DSCAM: variants seen among roughly 807,000 people sequenced by gnomAD.
DSCAM encodes the protein DS cell adhesion molecule.
In DSCAM, 47 loss-of-function variants were observed where a neutral mutation model predicts 217.7. The ratio of observed to expected loss-of-function variants is 0.22; its 90% CI spans 0.17 to 0.28. The LOEUF (loss-of-function observed/expected upper bound fraction) is 0.28. Among genes scored for constraint, DSCAM ranks in the 10% least tolerant of loss-of-function variants. The probability of loss-of-function intolerance (pLI) is 1.00; values close to 1 mark genes in which losing one functional copy is unlikely to be tolerated. For missense variants in DSCAM, 2,080 were observed against 2,618.3 expected, an observed-to-expected ratio of 0.79 and a Z score of 4.49; for synonymous variants, 1,056 against 1,015.3, an observed-to-expected ratio of 1.04 and a Z score of -0.76.
At chr21:40,294,631 A>G (rs987705912) in intron 10 of DSCAM, among the ~76,000 whole-genome samples, 49 of 152,216 alleles carry the variant, frequency 3.2e-4, no homozygotes, top group African/African-American at 1.1e-3. Flanking sequence ...CCTCAGGGAG[A>G]GAGAGAACAC....
At chr21:40,041,992 A>T (rs1260588480) in intron 32 of DSCAM, among the ~76,000 whole-genome samples, 2 of 152,106 alleles carry the variant, frequency 1.3e-5, no homozygotes, top group African/African-American at 4.8e-5. Context: ...GGCTATTTCC[A>T]CAGACTGTAT....
At chr21:40,469,021 C>A (rs948310196) in intron 3 of DSCAM, among the ~76,000 whole-genome samples, 5 of 152,030 alleles carry the variant, frequency 3.3e-5, no homozygotes, top group Non-Finnish European at 7.4e-5. Context: ...ACACTACAGC[C>A]ACACACACCT....
At chr21:40,755,441 G>A (rs1432388170) in intron 1 of DSCAM, among the ~76,000 whole-genome samples, 1 of 141,530 alleles carries the variant, frequency 7.1e-6, no homozygotes, top group African/African-American at 2.7e-5. Flanking sequence ...AAAAGGCTCT[G>A]TCCCCACCTG....
At chr21:40,188,962 C>T (rs2090925537) in intron 12 of DSCAM, 80 bp downstream of exon 12, 1 of 1,413,546 alleles carries the variant, frequency 7.1e-7, no homozygotes, top group Non-Finnish European at 9.9e-7. Flanking sequence ...TGCTACTTAT[C>T]TGCACCCGCT....
At chr21:40,243,144 G>A (rs1188673857) in intron 11 of DSCAM, among the ~76,000 whole-genome samples, 1 of 152,172 alleles carries the variant, frequency 6.6e-6, no homozygotes, top group Admixed American at 6.5e-5. Flanking sequence ...ATGTTCTCAT[G>A]TATTTAGACT....
At chr21:40,312,607 T>G (rs1457882456) in intron 8 of DSCAM, among the ~76,000 whole-genome samples, 2 of 152,240 alleles carry the variant, frequency 1.3e-5, no homozygotes, top group African/African-American at 4.8e-5. Context: ...TTAAAAATTA[T>G]TTTTGAATGA....
chr21:40,563,757 T>C (rs2076743242), intron 3 of DSCAM, among the ~76,000 whole-genome samples: 1 of 133,906 alleles, frequency 7.5e-6, no homozygotes, highest in Non-Finnish European at 1.6e-5. Context: ...TATATGTTTA[T>C]ATATGTTTGT....
At chr21:40,325,519 C>T (rs1009952308) in intron 8 of DSCAM, among the ~76,000 whole-genome samples, 1 of 152,140 alleles carries the variant, frequency 6.6e-6, no homozygotes, top group Non-Finnish European at 1.5e-5. Flanking sequence ...AGAGAAAAGA[C>T]AGCCTTGGAA....
chr21:40,322,241 G>A (rs2074267639), intron 8 of DSCAM, among the ~76,000 whole-genome samples: 1 of 152,024 alleles, frequency 6.6e-6, no homozygotes, highest in East Asian at 1.9e-4. Flanking sequence ...GCCATCATTT[G>A]TCTGTGGGTT....
At chr21:40,324,416 G>A (rs1206790494) in intron 8 of DSCAM, among the ~76,000 whole-genome samples, 2 of 152,030 alleles carry the variant, frequency 1.3e-5, no homozygotes, top group African/African-American at 4.8e-5. Context: ...TCCTTCCAAT[G>A]CACTTCCAAA....
chr21:40,658,732 AAAAT>A (rs1265142646), intron 3 of DSCAM, among the ~76,000 whole-genome samples: 3 of 152,194 alleles, frequency 2.0e-5, no homozygotes, highest in Admixed American at 6.5e-5. Flanking sequence ...GGTAGGAAGA[AAAAT>A]AAAAACAGAT....
At chr21:40,710,641 T>C (rs190330656) in intron 1 of DSCAM, among the ~76,000 whole-genome samples, 138 of 152,354 alleles carry the variant, frequency 9.1e-4, no homozygotes, top group Non-Finnish European at 1.8e-3. Flanking sequence ...CACATTTGGC[T>C]TTTTAATTCA....
rs1292415772 is a variant in DSCAM at position 40,012,049 on chromosome 21, G to A, written c.*985C>T. The A allele has an allele frequency of 6.6e-6, 1 of 150,596 alleles. No homozygotes were observed. Among genetic ancestry groups the A allele is most frequent in the Non-Finnish European group, 1.5e-5 (1 of 67,842 alleles). The allele number at this position is 150,596 out of a possible 1,614,324, so 9.3% of individuals were successfully genotyped here. A position where few individuals can be genotyped will look rare whatever the true frequency, so the allele number is the denominator to read the frequency against. On this transcript the variant is annotated 3_prime_UTR_variant, in exon 33 of 33. Coordinates refer to ENST00000400454, the MANE Select transcript of DSCAM (RefSeq NM_001389.5). ...CCATAGACAATAGCAAATAGTGCAT[G>A]TGGCCTTGTTTCAATAAAACTTTAT...
chr21:40,242,762 C>A (rs1303066634), intron 11 of DSCAM, among the ~76,000 whole-genome samples: 1 of 152,192 alleles, frequency 6.6e-6, no homozygotes, highest in African/African-American at 2.4e-5. Flanking sequence ...CCCCCTGCCC[C>A]CAACCCCACA....
intron 16 of DSCAM, among the ~76,000 whole-genome samples, chr21:40,146,021 C>T (rs1037721708): frequency 2.0e-5 from 3 of 151,606 alleles, no homozygotes; most frequent in Admixed American, 6.6e-5. Flanking sequence ...TACATATACA[C>T]GTACACACAT....
chr21:40,682,601 G>A (rs1487024187), intron 3 of DSCAM, among the ~76,000 whole-genome samples: 1,989 of 44,920 alleles, frequency 0.044, 108 homozygotes, highest in African/African-American at 0.13. Context: ...GAGAGAAAGA[G>A]AGAAAGAAAG....
At chr21:40,066,752 G>A (rs1013722651) in intron 27 of DSCAM, among the ~76,000 whole-genome samples, 23 of 152,158 alleles carry the variant, frequency 1.5e-4, no homozygotes, top group African/African-American at 5.1e-4. Flanking sequence ...CTCCAAGATT[G>A]GATTAGCCTG....
At chr21:40,208,857 C>T (rs972229456) in intron 11 of DSCAM, among the ~76,000 whole-genome samples, 9 of 152,098 alleles carry the variant, frequency 5.9e-5, no homozygotes, top group Non-Finnish European at 1.3e-4. Context: ...TAAAACAGGC[C>T]AATCTGATCC....
At chr21:40,700,231 G>C (rs2090640690) in intron 2 of DSCAM, among the ~76,000 whole-genome samples, 1 of 152,238 alleles carries the variant, frequency 6.6e-6, no homozygotes, top group Admixed American at 6.5e-5. Flanking sequence ...CCAGGACGAT[G>C]TAGAATAGAA....
Sources: allele counts gnomAD v4.1 joint callset (sites outside exome capture counted in the v4.1 genomes callset), GRCh38; gene constraint gnomAD v4.1.1; transcripts MANE v1.5; gene names NCBI Gene and HGNC (gene_info 2026-07-23, HGNC 2026-07-21).